The following HPCAL1 variants were observed in gnomAD, a reference collection of about 807,000 sequenced individuals.
The protein encoded by HPCAL1 is hippocalcin-like protein 1.
In HPCAL1, 8 loss-of-function variants were observed where a neutral mutation model predicts 17.1. That is an observed-to-expected ratio of 0.47 (90% CI 0.27 to 0.84). The LOEUF is 0.84. HPCAL1 is among the 40% of genes least tolerant of loss of function. The probability of loss-of-function intolerance (pLI) is 0.13; values close to 1 mark genes in which losing one functional copy is unlikely to be tolerated. For synonymous variants in HPCAL1, 112 were observed against 111.4 expected (o/e 1.01, Z -0.03); for missense variants, 165 against 271.1 (o/e 0.61, Z 2.75).
chr2:10,422,044 C>T (rs754151026), intron 3 of HPCAL1, among the ~76,000 whole-genome samples: 2 of 152,142 alleles, frequency 1.3e-5, no homozygotes, highest in Non-Finnish European at 2.9e-5. Flanking sequence ...TGTCACTGGC[C>T]GTGCAGAGGC....
At chr2:10,347,922 C>G (rs1053655641) in intron 1 of HPCAL1, among the ~76,000 whole-genome samples, 3 of 152,138 alleles carry the variant, frequency 2.0e-5, no homozygotes, top group African/African-American at 7.2e-5. Flanking sequence ...GTAGAAGGAC[C>G]ATTTCAGAAG....
Position 10,367,329 on chromosome 2 carries a change from C to T in HPCAL1, c.-110-29506C>T, listed in dbSNP as rs536959687. Reference sequence around the variant, plus strand: ...TTTGAGACAGAGTCTTGCTCTGTCACCCAGGCTAGAGTGCGAGCTCGATCA... The same window carrying T: ...TTTGAGACAGAGTCTTGCTCTGTCATCCAGGCTAGAGTGCGAGCTCGATCA... On this transcript the variant is annotated intron_variant, in intron 1 of 4. Transcript: ENST00000307845. The surrounding 1 kb of genome is among the most constrained non-coding windows in gnomAD (Gnocchi z 4.4). 4.6e-5 allele frequency among the ~76,000 whole-genome samples: 7 copies of T among 151,908 alleles called. No homozygotes were observed. Among genetic ancestry groups the T allele is most frequent in the Non-Finnish European group, 7.4e-5 (5 of 67,968 alleles).
At chr2:10,335,838 G>C (rs1318320210) in intron 1 of HPCAL1, among the ~76,000 whole-genome samples, 1 of 152,166 alleles carries the variant, frequency 6.6e-6, no homozygotes, top group Non-Finnish European at 1.5e-5. Flanking sequence ...AGTATCTCAT[G>C]ATTATTTGAA....
chr2:10,356,286 TGA>T (rs748289636), intron 1 of HPCAL1, among the ~76,000 whole-genome samples: 13 of 152,058 alleles, frequency 8.5e-5, no homozygotes, highest in Non-Finnish European at 1.5e-4. Context: ...GAGTGCAGCA[TGA>T]GAGTGTTAAA....
At chr2:10,397,917 G>A (rs1192022598) in intron 2 of HPCAL1, among the ~76,000 whole-genome samples, 1 of 152,224 alleles carries the variant, frequency 6.6e-6, no homozygotes. Context: ...CCAATCTCGT[G>A]CATATTAAGG....
intron 4 of HPCAL1, chr2:10,423,767 CT>C (rs1671218594): frequency 6.5e-6 from 1 of 152,742 alleles, no homozygotes; most frequent in South Asian, 2.1e-4. Flanking sequence ...GTTTGCTTTG[CT>C]TTTGAGCAAT....
chr2:10,316,357 A>G (rs1663312945), intron 1 of HPCAL1, among the ~76,000 whole-genome samples: 1 of 152,122 alleles, frequency 6.6e-6, no homozygotes, highest in African/African-American at 2.4e-5. Flanking sequence ...CATGACCCCC[A>G]GAGAATGGGC....
chr2:10,411,853 A>C (rs765462509), intron 2 of HPCAL1, among the ~76,000 whole-genome samples: 6 of 152,110 alleles, frequency 3.9e-5, no homozygotes, highest in Non-Finnish European at 8.8e-5. Context: ...TAGGCTGGAG[A>C]GGGCAGACTT....
chr2:10,399,322 C>T (rs1036653537), intron 2 of HPCAL1, among the ~76,000 whole-genome samples: 25 of 78,452 alleles, frequency 3.2e-4, no homozygotes, highest in Admixed American at 4.6e-4. Context: ...ACCACCACCA[C>T]CATCACCACC....
rs781587444 is a variant in HPCAL1 at position 10,406,866 on chromosome 2, G to A, written c.-25+9946G>A. Among the ~76,000 whole-genome samples, 9 of 152,356 alleles carry A rather than the reference G, an allele frequency of 5.9e-5. No homozygotes were observed. In the East Asian group the frequency reaches 1.3e-3, roughly 23 times the overall value. On this transcript the variant is annotated intron_variant, in intron 2 of 4. Transcript: ENST00000307845. ...TTCCTGCTGGGTTAGGGTTCCGGAC[G>A]GAAGGGGAGCATTCTCTTGGGCGTT...
At chr2:10,345,152 T>C (rs1665344074) in intron 1 of HPCAL1, among the ~76,000 whole-genome samples, 1 of 152,162 alleles carries the variant, frequency 6.6e-6, no homozygotes, top group African/African-American at 2.4e-5. Context: ...TCTGTCTGTC[T>C]TGCTCTCTCT....
At chr2:10,378,092 A>G (rs537539445) in intron 1 of HPCAL1, among the ~76,000 whole-genome samples, 5 of 152,098 alleles carry the variant, frequency 3.3e-5, no homozygotes, top group African/African-American at 1.2e-4. Context: ...GTCTGGGTTT[A>G]AGGTTCTTGA....
chr2:10,306,491 A>T (rs1400193267), intron 1 of HPCAL1, among the ~76,000 whole-genome samples: 1 of 152,204 alleles, frequency 6.6e-6, no homozygotes, highest in Non-Finnish European at 1.5e-5. Context: ...AATGTCAGGT[A>T]GCTCTTGTGC....
rs762391120 is a variant in HPCAL1, at chr2:10,377,995, G to A, written c.-110-18840G>A. On this transcript the variant is annotated intron_variant, in intron 1 of 4. Transcript: ENST00000307845. The surrounding 1 kb of genome is among the most constrained non-coding windows in gnomAD (Gnocchi z 5.9). ...CGACTTTGGACTGAAGGCCTTAATT[G>A]ACCAAGGCGGTAATTTCCAGTCCTG... Among the ~76,000 whole-genome samples the A allele has an allele frequency of 6.5e-4, 99 of 152,132 alleles. No homozygotes were observed. The highest frequency in any genetic ancestry group is 1.2e-3 in the Non-Finnish European group (83 of 68,014).
chr2:10,348,824 C>A (rs1432103797), intron 1 of HPCAL1, among the ~76,000 whole-genome samples: 1 of 152,114 alleles, frequency 6.6e-6, no homozygotes, highest in Non-Finnish European at 1.5e-5. Flanking sequence ...CCTGGGAAAT[C>A]CAGATTTGTC....
intron 1 of HPCAL1, among the ~76,000 whole-genome samples, chr2:10,311,333 G>A (rs1285890394): frequency 1.3e-5 from 2 of 152,210 alleles, no homozygotes; most frequent in Non-Finnish European, 2.9e-5. Context: ...TCTTCCCAGC[G>A]AGTAAAGGTA....
At chr2:10,333,673 T>G (rs1193879094) in intron 1 of HPCAL1, among the ~76,000 whole-genome samples, 4 of 152,210 alleles carry the variant, frequency 2.6e-5, no homozygotes, top group Non-Finnish European at 5.9e-5. Flanking sequence ...ACCCAAATAT[T>G]CTATGTCTCT....
intron 1 of HPCAL1, among the ~76,000 whole-genome samples, chr2:10,348,579 C>T (rs1665618959): frequency 6.7e-6 from 1 of 148,656 alleles, no homozygotes; most frequent in African/African-American, 2.5e-5. Context: ...GCCTGGGTAG[C>T]ATAGCAAGAT....
intron 1 of HPCAL1, among the ~76,000 whole-genome samples, chr2:10,333,653 T>C (rs7583479): frequency 0.3 from 44,963 of 152,174 alleles, 7,303 homozygotes; most frequent in East Asian, 0.6. Flanking sequence ...AAGAAAGTTT[T>C]TATTTCTTTA....
Sources: allele counts gnomAD v4.1 joint callset (sites outside exome capture counted in the v4.1 genomes callset), GRCh38; gene constraint gnomAD v4.1.1; non-coding constraint Gnocchi (gnomAD v3.1); transcripts MANE v1.5; gene names NCBI Gene and HGNC (gene_info 2026-07-23, HGNC 2026-07-21).